Variants in NEBL observed in about 807,000 individuals in gnomAD.
The protein encoded by NEBL is LIM and SH3 protein 2.
Under a neutral mutation model 140.2 loss-of-function variants are expected in NEBL, and 122 were observed. That is an observed-to-expected ratio of 0.87 (90% confidence interval 0.75 to 1.01). The LOEUF is 1.01. Ranked by LOEUF, NEBL falls within the 50% of genes least tolerant of loss-of-function variation. The pLI is 0.00. For synonymous variants in NEBL, 436 were observed against 398.9 expected, an observed-to-expected ratio of 1.09 and a Z score of -1.11; for missense variants, 1,365 against 1,231.3, an observed-to-expected ratio of 1.11 and a Z score of -1.62.
intron 2 of NEBL, among the ~76,000 whole-genome samples, chr10:21,093,025 T>A (rs548727412): frequency 3.3e-5 from 5 of 152,198 alleles, no homozygotes; most frequent in Non-Finnish European, 7.3e-5. Context: ...AAGAGAATAA[T>A]GAAAATCTAA....
intron 3 of NEBL, among the ~76,000 whole-genome samples, chr10:21,015,467 C>A (rs1838518278): frequency 6.6e-6 from 1 of 152,212 alleles, no homozygotes; most frequent in African/African-American, 2.4e-5. Flanking sequence ...CTTTCTACCA[C>A]ATGATATTAA....
intron 3 of NEBL, among the ~76,000 whole-genome samples, chr10:21,195,002 TA>T (rs1841626829): frequency 6.6e-6 from 1 of 152,064 alleles, no homozygotes; most frequent in Non-Finnish European, 1.5e-5. Context: ...CCAGACTGGA[TA>T]GAGAGAACTT....
At chr10:21,232,136 T>C (rs1049990747) in intron 3 of NEBL, among the ~76,000 whole-genome samples, 19 of 151,676 alleles carry the variant, frequency 1.3e-4, no homozygotes, top group African/African-American at 3.4e-4. Context: ...TTGTTTTTTT[T>C]TCTCTCTCTC....
chr10:21,174,001 G>T lies in NEBL; in HGVS notation c.-168C>A, dbSNP rs534206817. ...CCACGGGTGAGTGCACGGGGAGGGC[G>T]ACGGGGCCTGGCGCCTGGGGCCGGC... On this transcript the variant is annotated 5_prime_UTR_variant, in exon 1 of 7. Transcript: ENST00000417816. 3 of 1,199,184 alleles carry T rather than the reference G, an allele frequency of 2.5e-6. No homozygotes were observed. The East Asian group carries it at 1.2e-4, about 47-fold the overall frequency. The allele number at this position is 1,199,184 out of a possible 1,614,324, so 74.3% of individuals were successfully genotyped here.
At chr10:20,917,929 A>G (rs555573428) in intron 4 of NEBL, among the ~76,000 whole-genome samples, 2 of 152,366 alleles carry the variant, frequency 1.3e-5, no homozygotes, top group Non-Finnish European at 2.9e-5. Context: ...AAAATTTAAT[A>G]TGATCATTGA....
chr10:21,008,328 G>C (rs1182484796), intron 3 of NEBL, among the ~76,000 whole-genome samples: 3 of 152,082 alleles, frequency 2.0e-5, no homozygotes, highest in Non-Finnish European at 2.9e-5. Context: ...AAGATATTTC[G>C]AGAAAGAGAG....
chr10:20,961,541 A>G, intron 4 of NEBL: 1 of 759,810 alleles, frequency 1.3e-6, no homozygotes, highest in Non-Finnish European at 2.4e-6. Flanking sequence ...TGAAATTGGC[A>G]TAGTCTATGC....
At chr10:20,814,616 A>G (rs1838527120) in intron 22 of NEBL, among the ~76,000 whole-genome samples, 2 of 142,690 alleles carry the variant, frequency 1.4e-5, no homozygotes, top group South Asian at 4.8e-4. Flanking sequence ...ACATACACAC[A>G]TACACACACA....
chr10:21,073,907 T>A (rs1835938413), intron 2 of NEBL, among the ~76,000 whole-genome samples: 1 of 151,968 alleles, frequency 6.6e-6, no homozygotes, highest in South Asian at 2.1e-4. Flanking sequence ...ACCCCGTCTC[T>A]ACTAAAAATA....
At chr10:21,048,502 C>G (rs1834623339) in intron 2 of NEBL, among the ~76,000 whole-genome samples, 1 of 144,886 alleles carries the variant, frequency 6.9e-6, no homozygotes, top group African/African-American at 2.5e-5. Context: ...ATAGATTTAG[C>G]ACCACATGAG....
At chr10:20,935,127 T>A (rs992543587) in intron 4 of NEBL, among the ~76,000 whole-genome samples, 5 of 152,122 alleles carry the variant, frequency 3.3e-5, no homozygotes, top group African/African-American at 7.2e-5. Context: ...TCTACCTGGC[T>A]AGAAAGAGAG....
intron 2 of NEBL, among the ~76,000 whole-genome samples, chr10:21,097,147 G>A (rs1435948568): frequency 7.1e-6 from 1 of 139,986 alleles, no homozygotes; most frequent in Non-Finnish European, 1.5e-5. Flanking sequence ...TTGCCTCTTT[G>A]CAAATAAAAT....
At chr10:21,255,227 G>A (rs1027990249) in intron 1 of NEBL, among the ~76,000 whole-genome samples, 7 of 152,142 alleles carry the variant, frequency 4.6e-5, no homozygotes, top group African/African-American at 1.7e-4. Context: ...ATGGGAATTA[G>A]AGCGAGAACG....
At chr10:20,976,217 T>C (rs561582763) in intron 3 of NEBL, among the ~76,000 whole-genome samples, 1 of 151,656 alleles carries the variant, frequency 6.6e-6, no homozygotes, top group African/African-American at 2.4e-5. Flanking sequence ...GGCGGGCACC[T>C]GTAATCCCAG....
intron 3 of NEBL, among the ~76,000 whole-genome samples, chr10:21,190,115 C>T (rs2132215947): frequency 6.6e-6 from 1 of 152,204 alleles, no homozygotes; most frequent in South Asian, 2.1e-4. Context: ...CATCTTGCTA[C>T]CCGAGCACAA....
At chr10:21,036,691 T>C (rs928610981) in intron 2 of NEBL, among the ~76,000 whole-genome samples, 3 of 151,948 alleles carry the variant, frequency 2.0e-5, no homozygotes, top group Non-Finnish European at 4.4e-5. Flanking sequence ...TTTTACTCCA[T>C]ATAAGCAAAG....
chr10:20,805,005 T>C (rs1429974758), intron 26 of NEBL, among the ~76,000 whole-genome samples: 4 of 152,164 alleles, frequency 2.6e-5, no homozygotes, highest in Admixed American at 1.3e-4. Flanking sequence ...GAGATGACAG[T>C]GGCTGACATA....
At chr10:20,942,553 C>A (rs1589049947) in intron 4 of NEBL, among the ~76,000 whole-genome samples, 1 of 152,080 alleles carries the variant, frequency 6.6e-6, no homozygotes, top group African/African-American at 2.4e-5. Context: ...TCTAAAACAC[C>A]AAAAGCAATG....
chr10:20,874,107 T>C (rs918686242), intron 5 of NEBL, among the ~76,000 whole-genome samples: 2 of 152,252 alleles, frequency 1.3e-5, no homozygotes, highest in Non-Finnish European at 2.9e-5. Flanking sequence ...TATTACCTTA[T>C]GTGCTTGATC....
Sources: gnomAD v4.1 joint callset for allele counts (sites outside exome capture counted in the v4.1 genomes callset) on GRCh38, gnomAD v4.1.1 for gene constraint, MANE v1.5 for transcripts, NCBI Gene and HGNC (gene_info 2026-07-23, HGNC 2026-07-21) for gene names.